UGDH: variants seen among roughly 807,000 people sequenced by gnomAD.
The protein encoded by UGDH is UDP-glucose 6-dehydrogenase.
UGDH carries 38 observed loss-of-function variants against 50.6 expected under a neutral mutation model. The ratio of observed to expected loss-of-function variants is 0.75; its 90% CI spans 0.58 to 0.98. The LOEUF is 0.98. Among genes scored for constraint, UGDH ranks in the 50% least tolerant of loss-of-function variants. The probability of loss-of-function intolerance (pLI) is 0.00; values close to 1 mark genes in which losing one functional copy is unlikely to be tolerated. For synonymous variants in UGDH, 168 were observed against 199.9 expected (o/e 0.84, Z 1.35); for missense variants, 465 against 606.2 (o/e 0.77, Z 2.45).
chr4:39,511,330 G>A (rs1015177882), intron 3 of UGDH, among the ~76,000 whole-genome samples: 8 of 148,904 alleles, frequency 5.4e-5, no homozygotes, highest in Middle Eastern at 3.2e-3. Flanking sequence ...GTGTAATCTC[G>A]GCTCACTGCA....
chr4:39,516,429 T>C lies in UGDH; in HGVS notation c.163-2245A>G, dbSNP rs183742534. On this transcript the variant is annotated intron_variant, in intron 2 of 11. Transcript: ENST00000316423. ...AGATGATGGGCACACGGAGATTCAT[T>C]GTACTGTTATCTTTAATTACATGCT... Among the ~76,000 whole-genome samples, 1,281 of 152,310 alleles carry C rather than the reference T, an allele frequency of 8.4e-3. 15 individuals are homozygous for C. Among genetic ancestry groups the C allele is most frequent in the Non-Finnish European group, 0.011 (758 of 68,024 alleles).
chr4:39,515,912 C>T (rs990802297), intron 2 of UGDH, among the ~76,000 whole-genome samples: 2 of 152,030 alleles, frequency 1.3e-5, no homozygotes, highest in African/African-American at 4.8e-5. Flanking sequence ...GTTGGCCAGG[C>T]TGGTCTCGAA....
chr4:39,506,328 CA>C (rs531676358), intron 7 of UGDH, among the ~76,000 whole-genome samples: 32 of 151,366 alleles, frequency 2.1e-4, no homozygotes, highest in African/African-American at 7.8e-4. Context: ...GTGGAGCGCA[CA>C]ACCAAGTTTT....
At chr4:39,521,544 T>C (rs754534682) in intron 1 of UGDH, 25 bp from the exon 2 acceptor site, 25 of 1,489,502 alleles carry the variant, frequency 1.7e-5, no homozygotes, top group Non-Finnish European at 2.2e-5. Context: ...GTAAGACTGT[T>C]CTAGTATTGA....
At chr4:39,500,381 G>C in intron 11 of UGDH, 128 bp from the exon 12 acceptor site, 1 of 564,510 alleles carries the variant, frequency 1.8e-6, no homozygotes. Context: ...AGTTGTCTGA[G>C]TTGCTATGAG....
At position 39,517,369 on chromosome 4, in the gene UGDH, AT is replaced by A. The variant is rs915565770; in HGVS notation, c.163-3186del. ...AGGCGCGAGCCACTACACCCATCTA[AT>A]TTTTTTTTGTATTTTTTTAAATACA... On this transcript the variant is annotated intron_variant, in intron 2 of 11. Coordinates refer to ENST00000316423, the MANE Select transcript of UGDH (RefSeq NM_003359.4). Among the ~76,000 whole-genome samples the A allele has an allele frequency of 2.0e-5, 3 of 150,792 alleles. No individual in the cohort carries two copies. In the East Asian group the frequency reaches 5.8e-4, roughly 29 times the overall value.
chr4:39,514,179 T>C lies in UGDH; in HGVS notation c.168A>G (p.Gly56=), dbSNP rs1746356531. 6.3e-7 allele frequency: 1 copy of C among 1,576,362 alleles called. No individual in the cohort carries two copies. The highest frequency in any genetic ancestry group is 1.5e-5 in the African/African-American group (1 of 67,252). Reference sequence around the variant, plus strand: ...GACAGGATTCTACCACTTCTTTTAGTCCTGGCTAAAAAGAAAAAAGAAAAG... The same window carrying C: ...GACAGGATTCTACCACTTCTTTTAGCCCTGGCTAAAAAGAAAAAAGAAAAG... ...NSPTLPIYEP[G]LKEVVESCRG... The change falls in exon 3 of 12, where the codon GGA becomes GGG. Residue 56 remains glycine (G), a synonymous_variant. Transcript: ENST00000316423.
chr4:39,509,720 A>G, intron 6 of UGDH, 40 bp downstream of exon 6: 1 of 1,584,394 alleles, frequency 6.3e-7, no homozygotes, highest in Non-Finnish European at 8.5e-7. Context: ...TTCAGTAAAT[A>G]AACACTAGCT....
At chr4:39,507,698 C>T (rs1162432285) in intron 7 of UGDH, among the ~76,000 whole-genome samples, 2 of 151,954 alleles carry the variant, frequency 1.3e-5, no homozygotes, top group Non-Finnish European at 2.9e-5. Context: ...CTTATATTCC[C>T]AGCACTTTGG....
At chr4:39,521,272 T>A in intron 2 of UGDH, 79 bp downstream of exon 2, 1 of 1,346,600 alleles carries the variant, frequency 7.4e-7, no homozygotes, top group Non-Finnish European at 9.9e-7. Flanking sequence ...TAGATTTTTA[T>A]ATTAATAGTG....
intron 1 of UGDH, among the ~76,000 whole-genome samples, chr4:39,521,734 A>T (rs1241221950): frequency 1.3e-5 from 2 of 152,248 alleles, no homozygotes; most frequent in East Asian, 3.8e-4. Flanking sequence ...AGCATGAAAC[A>T]TATGGAAATA....
In UGDH at chr4:39,510,707, A is replaced by C; in HGVS notation, c.419T>G (p.Ile140Ser). The change falls in exon 4 of 12, where the codon ATC (isoleucine) becomes AGC (serine). Residue 140 changes from isoleucine to serine, a missense_variant. Physicochemically the swap from Ile to Ser is moderately radical, Grantham distance 142. Coordinates refer to ENST00000316423, the MANE Select transcript of UGDH (RefSeq NM_003359.4). ...STVPVRAAES[I>S]RRIFDANTKP... ...TGTGTTTGCATCAAATATGCGACGG[A>C]TACTTTCTGCTGCCCGCACTGGAAC... 1 of 1,614,270 alleles carries C rather than the reference A, an allele frequency of 6.2e-7. No individual in the cohort carries two copies. Among genetic ancestry groups the C allele is most frequent in the Non-Finnish European group, 8.5e-7 (1 of 1,180,046 alleles).
intron 10 of UGDH, 67 bp downstream of exon 10, chr4:39,504,350 A>G (rs1269187872): frequency 2.1e-6 from 3 of 1,435,612 alleles, no homozygotes; most frequent in African/African-American, 2.8e-5. Context: ...ACATGAACAC[A>G]TACTCAACCC....
Position 39,499,700 on chromosome 4 carries a change from CTGA to C in UGDH, c.*440_*442del, listed in dbSNP as rs1745712427. 1 of 152,990 alleles carries C rather than the reference CTGA, an allele frequency of 6.5e-6. No individual in the cohort carries two copies. The highest frequency in any genetic ancestry group is 2.0e-4 in the South Asian group (1 of 4,906). 9.5% of individuals were successfully genotyped at this position (152,990 alleles called of 1,614,324 possible). A position where few individuals can be genotyped will look rare whatever the true frequency, so the allele number is the denominator to read the frequency against. ...TAATATCCATATAGCTAGTATAAAT[CTGA>C]TGATTAAAAAAATAGTTTTGTTTCC... On this transcript the variant is annotated 3_prime_UTR_variant, in exon 12 of 12. Coordinates refer to ENST00000316423, the MANE Select transcript of UGDH (RefSeq NM_003359.4).
intron 2 of UGDH, among the ~76,000 whole-genome samples, chr4:39,516,384 C>T (rs1380163432): frequency 2.0e-5 from 3 of 152,146 alleles, no homozygotes; most frequent in African/African-American, 4.8e-5. Context: ...GGACTGGCCA[C>T]GTAGATAACT....
At chr4:39,507,989 T>C (rs897110502) in intron 7 of UGDH, among the ~76,000 whole-genome samples, 1 of 150,374 alleles carries the variant, frequency 6.7e-6, no homozygotes, top group African/African-American at 2.4e-5. Context: ...TTAAGGATAA[T>C]TGTTTTTGTT....
chr4:39,501,143 T>A (rs1370237120), intron 11 of UGDH, among the ~76,000 whole-genome samples: 1 of 151,762 alleles, frequency 6.6e-6, no homozygotes, highest in South Asian at 2.1e-4. Context: ...TGTTTTTGTA[T>A]TTTTAGTAGA....
chr4:39,514,284 T>A (rs573226240), intron 2 of UGDH, 100 bp from the exon 3 acceptor site: 1 of 995,328 alleles, frequency 1.0e-6, no homozygotes, highest in Non-Finnish European at 1.5e-6. Flanking sequence ...ATGGTAATAT[T>A]GTAATTTAAA....
intron 7 of UGDH, among the ~76,000 whole-genome samples, chr4:39,507,416 C>T (rs1351131396): frequency 3.3e-5 from 5 of 152,156 alleles, no homozygotes; most frequent in Middle Eastern, 3.2e-3. Context: ...GACGAAGTCT[C>T]GCTCTGTCAT....
Sources: gnomAD v4.1 joint callset for allele counts (sites outside exome capture counted in the v4.1 genomes callset) on GRCh38, gnomAD v4.1.1 for gene constraint, MANE v1.5 for transcripts, NCBI Gene and HGNC (gene_info 2026-07-23, HGNC 2026-07-21) for gene names.